The following SPC25 variants were observed in gnomAD, a reference collection of about 807,000 sequenced individuals.
SPC25 encodes SPC25 component of NDC80 kinetochore complex, also known as kinetochore protein Spc25.
In SPC25, 22 loss-of-function variants were observed where a neutral mutation model predicts 29.6. The ratio of observed to expected loss-of-function variants is 0.74; its 90% CI spans 0.53 to 1.06. The LOEUF is 1.06. Ranked by LOEUF, SPC25 falls within the 50% of genes least tolerant of loss-of-function variation. The pLI, the probability that SPC25 is intolerant of heterozygous loss-of-function variation, is 0.00. For missense variants in SPC25, 230 were observed against 255.8 expected, an observed-to-expected ratio of 0.90 and a Z score of 0.69; for synonymous variants, 91 against 90.4, an observed-to-expected ratio of 1.01 and a Z score of -0.04.
chr2:168,880,830 GA>G (rs1436557018), intron 3 of SPC25, among the ~76,000 whole-genome samples: 1 of 152,210 alleles, frequency 6.6e-6, no homozygotes, highest in Admixed American at 6.5e-5. Context: ...AGAGCAGTCA[GA>G]AGTCATTCAA....
chr2:168,869,056 G>A (rs1420487753), downstream of SPC25, among the ~76,000 whole-genome samples: 9 of 152,042 alleles, frequency 5.9e-5, no homozygotes, highest in African/African-American at 1.4e-4. Flanking sequence ...TTCAACATAC[G>A]AAAATCAATA....
chr2:168,884,049 G>A (rs1363113586), intron 3 of SPC25, among the ~76,000 whole-genome samples: 3 of 152,150 alleles, frequency 2.0e-5, no homozygotes, highest in African/African-American at 4.8e-5. Flanking sequence ...GACTACAGGT[G>A]TGAGCCACTG....
At chr2:168,877,797 T>G (rs1410242667) in intron 3 of SPC25, among the ~76,000 whole-genome samples, 4 of 152,062 alleles carry the variant, frequency 2.6e-5, no homozygotes, top group Middle Eastern at 3.2e-3. Flanking sequence ...AGTGGCACAA[T>G]CACTACTCAT....
chr2:168,887,094 A>T (rs1055087470), intron 3 of SPC25, among the ~76,000 whole-genome samples: 18 of 152,146 alleles, frequency 1.2e-4, no homozygotes, highest in Admixed American at 3.9e-4. Flanking sequence ...AGAAGCAGTG[A>T]AGGGCATGGA....
chr2:168,868,662 G>A (rs1689917518), downstream of SPC25, among the ~76,000 whole-genome samples: 1 of 152,106 alleles, frequency 6.6e-6, no homozygotes, highest in South Asian at 2.1e-4. Flanking sequence ...CAAGGAAGAA[G>A]TTGAATCTCT....
At chr2:168,865,239 C>T in intron 4 of SPC25, 1 of 345,466 alleles carries the variant, frequency 2.9e-6, no homozygotes, top group Non-Finnish European at 5.3e-6. Flanking sequence ...AGTATAACCC[C>T]TGGTGTCACA....
intron 4 of SPC25, chr2:168,861,913 A>G: frequency 6.5e-7 from 1 of 1,548,624 alleles, no homozygotes; most frequent in Non-Finnish European, 8.9e-7. Context: ...GCTCATATTC[A>G]TTTGCCTGCT....
downstream of SPC25, among the ~76,000 whole-genome samples, chr2:168,866,583 T>C (rs1400267602): frequency 1.3e-5 from 2 of 151,712 alleles, no homozygotes. Context: ...ATTTCATGTC[T>C]AAAACACCAA....
chr2:168,870,890 A>G (rs1287208833), downstream of SPC25: 1 of 151,514 alleles, frequency 6.6e-6, no homozygotes, highest in African/African-American at 2.5e-5. Context: ...TCATGCTGCT[A>G]TAAAGACACA....
At chr2:168,864,860 AAAG>A in intron 4 of SPC25, 1 of 1,614,028 alleles carries the variant, frequency 6.2e-7, no homozygotes, top group Non-Finnish European at 8.5e-7. Context: ...ACACGAGAAA[AAAG>A]AAGGAGGATG....
chr2:168,888,105 C>T (rs971086644), intron 3 of SPC25, among the ~76,000 whole-genome samples: 1 of 152,006 alleles, frequency 6.6e-6, no homozygotes, highest in African/African-American at 2.4e-5. Flanking sequence ...ATGGTGAAAC[C>T]CCATCTCTAC....
chr2:168,870,755 G>T (rs1321988880), downstream of SPC25: 2 of 151,488 alleles, frequency 1.3e-5, no homozygotes, highest in Admixed American at 1.3e-4. Context: ...TTACACTGTT[G>T]GTGGGACTGT....
intron 4 of SPC25, among the ~76,000 whole-genome samples, chr2:168,862,724 C>T (rs908282183): frequency 6.6e-6 from 1 of 151,914 alleles, no homozygotes; most frequent in African/African-American, 2.4e-5. Context: ...TAAACCACAA[C>T]ATTATTAAAG....
chr2:168,889,582 A>G (rs1054979655), intron 1 of SPC25, 49 bp from the exon 2 acceptor site: 71 of 1,550,554 alleles, frequency 4.6e-5, no homozygotes, highest in Non-Finnish European at 5.9e-5. Context: ...AAATCAAATC[A>G]CCCACATATT....
At position 168,876,057 on chromosome 2, in the gene SPC25, T is replaced by C; in HGVS notation, c.451+15A>G. 3.5e-6 allele frequency: 5 copies of C among 1,434,736 alleles called. No homozygotes were observed. Among genetic ancestry groups the C allele is most frequent in the Non-Finnish European group, 4.6e-6 (5 of 1,076,470 alleles). 88.9% of individuals were successfully genotyped at this position (1,434,736 alleles called of 1,614,324 possible). A position where few individuals can be genotyped will look rare whatever the true frequency, so the allele number is the denominator to read the frequency against. ...TTTGTAATCTCCTATATTTTATTTA[T>C]ATTAACAAACTTACCATAAATTTTT... On this transcript the variant is annotated intron_variant, in intron 5 of 6. Transcript: ENST00000282074.
chr2:168,868,696 A>C (rs1351644017), downstream of SPC25, among the ~76,000 whole-genome samples: 3 of 152,234 alleles, frequency 2.0e-5, no homozygotes, highest in African/African-American at 7.2e-5. Context: ...ACAGGCTCTG[A>C]AATTGAGGCA....
At chr2:168,883,822 G>A (rs1202313273) in intron 3 of SPC25, among the ~76,000 whole-genome samples, 1 of 150,076 alleles carries the variant, frequency 6.7e-6, no homozygotes, top group Non-Finnish European at 1.5e-5. Context: ...CCAGGCTGCA[G>A]TGCAGTGGTG....
downstream of SPC25, among the ~76,000 whole-genome samples, chr2:168,868,886 T>G (rs1325006166): frequency 1.3e-5 from 2 of 152,162 alleles, no homozygotes; most frequent in Admixed American, 1.3e-4. Context: ...TACCAAAGCC[T>G]GGCAGAGACA....
chr2:168,870,878 A>G (rs1316833768), downstream of SPC25: 1 of 151,458 alleles, frequency 6.6e-6, no homozygotes, highest in Admixed American at 6.6e-5. Context: ...AGGGATTATA[A>G]ATCATGCTGC....
Sources: allele counts gnomAD v4.1 joint callset (sites outside exome capture counted in the v4.1 genomes callset), GRCh38; gene constraint gnomAD v4.1.1; transcripts MANE v1.5; gene names NCBI Gene and HGNC (gene_info 2026-07-23, HGNC 2026-07-21).